The following PTPRD variants were observed in gnomAD, a reference collection of about 807,000 sequenced individuals.
The protein encoded by PTPRD is receptor-type tyrosine-protein phosphatase delta.
In PTPRD, 34 loss-of-function variants were observed where a neutral mutation model predicts 214.5. The observed-to-expected ratio is 0.16, with a 90% CI of 0.12 to 0.21. The LOEUF (loss-of-function observed/expected upper bound fraction) is 0.21. PTPRD is among the 10% of genes least tolerant of loss of function. The pLI, the probability that PTPRD is intolerant of heterozygous loss-of-function variation, is 1.00. For missense variants in PTPRD, 2,545 were observed against 2,398.7 expected (o/e 1.06, Z -1.27); for synonymous variants, 1,128 against 845.7 (o/e 1.33, Z -5.79).
At chr9:9,226,462 A>T (rs997015375) in intron 9 of PTPRD, among the ~76,000 whole-genome samples, 2 of 151,962 alleles carry the variant, frequency 1.3e-5, no homozygotes, top group Non-Finnish European at 2.9e-5. Context: ...GGATGATAAA[A>T]CTCAGCCCAG....
chr9:10,099,181 G>T (rs1303006992), intron 3 of PTPRD, among the ~76,000 whole-genome samples: 1 of 151,694 alleles, frequency 6.6e-6, no homozygotes, highest in African/African-American at 2.4e-5. Flanking sequence ...CAGCATAAGT[G>T]TACTTATTAA....
At chr9:8,807,107 C>T (rs1481305023) in intron 11 of PTPRD, among the ~76,000 whole-genome samples, 1 of 152,056 alleles carries the variant, frequency 6.6e-6, no homozygotes, top group Non-Finnish European at 1.5e-5. Context: ...GAGGCCGACG[C>T]AGGTGGATTG....
chr9:10,479,658 T>TAAATAAATAAACAAAC (rs141946645), intron 2 of PTPRD, among the ~76,000 whole-genome samples: 12,089 of 145,604 alleles, frequency 0.083, 664 homozygotes, highest in East Asian at 0.22. Flanking sequence ...AATAAATAAA[T>TAAATAAATAAACAAAC]AAACAAAAAT....
At chr9:9,110,044 G>C (rs1476509799) in intron 10 of PTPRD, among the ~76,000 whole-genome samples, 1 of 152,136 alleles carries the variant, frequency 6.6e-6, no homozygotes, top group Non-Finnish European at 1.5e-5. Context: ...TCAAGGCTTA[G>C]ATGGGGACAG....
chr9:8,814,369 C>T (rs1335538295), intron 11 of PTPRD, among the ~76,000 whole-genome samples: 7 of 151,128 alleles, frequency 4.6e-5, no homozygotes, highest in Admixed American at 3.3e-4. Context: ...ACGGAGAACG[C>T]TTTAAGTGAA....
Position 9,138,024 on chromosome 9 carries a change from T to C in PTPRD, c.-143+45280A>G, listed in dbSNP as rs150912026. Among the ~76,000 whole-genome samples, 696 of 152,264 alleles carry C rather than the reference T, an allele frequency of 4.6e-3. 2 individuals carry two copies. The highest frequency in any genetic ancestry group is 0.016 in the African/African-American group (660 of 41,554). On this transcript the variant is annotated intron_variant, in intron 10 of 45. Coordinates refer to ENST00000381196, the MANE Select transcript of PTPRD (RefSeq NM_002839.4). ...AGTTACTTGTTGAAAATGATAAAGA[T>C]GTTAAGGGATAGAGCTGAGATACTA...
At chr9:9,059,536 T>C (rs1283209745) in intron 10 of PTPRD, among the ~76,000 whole-genome samples, 3 of 151,772 alleles carry the variant, frequency 2.0e-5, no homozygotes, top group Admixed American at 1.3e-4. Context: ...CAGAAGAAAA[T>C]TGAAAAATGC....
At chr9:9,828,631 C>G (rs143561406) in intron 5 of PTPRD, among the ~76,000 whole-genome samples, 2,508 of 151,936 alleles carry the variant, frequency 0.017, 63 homozygotes, top group African/African-American at 0.058. Flanking sequence ...TGCACGTGTA[C>G]CATAAAACTT....
At chr9:10,222,462 G>A (rs185519495) in intron 3 of PTPRD, among the ~76,000 whole-genome samples, 93 of 152,008 alleles carry the variant, frequency 6.1e-4, no homozygotes, top group Non-Finnish European at 1.0e-3. Context: ...TTTATTGTCA[G>A]TTCTCATTTT....
chr9:9,115,995 C>T (rs2099812006), intron 10 of PTPRD, among the ~76,000 whole-genome samples: 1 of 152,044 alleles, frequency 6.6e-6, no homozygotes, highest in African/African-American at 2.4e-5. Context: ...TGCATGTTGT[C>T]ACTTATAAGT....
intron 14 of PTPRD, among the ~76,000 whole-genome samples, chr9:8,562,597 TG>T (rs949164711): frequency 6.6e-6 from 1 of 151,954 alleles, no homozygotes; most frequent in African/African-American, 2.4e-5. Context: ...CTGCCACGCC[TG>T]GCTAATTTTT....
chr9:8,331,283 G>T (rs186832701), intron 44 of PTPRD, among the ~76,000 whole-genome samples: 11 of 152,032 alleles, frequency 7.2e-5, no homozygotes, highest in African/African-American at 2.4e-4. Flanking sequence ...GATTAACAAC[G>T]AATTATTACT....
chr9:9,129,260 G>A (rs1313651477), intron 10 of PTPRD, among the ~76,000 whole-genome samples: 3 of 152,082 alleles, frequency 2.0e-5, no homozygotes, highest in African/African-American at 7.2e-5. Flanking sequence ...CATGGTAGCG[G>A]GCGGCTGTAA....
chr9:9,472,358 C>G (rs1022637791), intron 8 of PTPRD, among the ~76,000 whole-genome samples: 4 of 151,608 alleles, frequency 2.6e-5, no homozygotes, highest in Admixed American at 6.6e-5. Flanking sequence ...CGCCCGCCAC[C>G]GCGCCCGGCT....
At chr9:8,893,915 A>G (rs2098570594) in intron 11 of PTPRD, among the ~76,000 whole-genome samples, 1 of 150,926 alleles carries the variant, frequency 6.6e-6, no homozygotes, top group South Asian at 2.1e-4. Context: ...TTTATATATC[A>G]TTAATGAATA....
chr9:9,040,927 G>T (rs924822522), intron 10 of PTPRD, among the ~76,000 whole-genome samples: 2 of 152,142 alleles, frequency 1.3e-5, no homozygotes, highest in South Asian at 2.1e-4. Flanking sequence ...AAACAGAACT[G>T]GTCCTACCTT....
At chr9:8,650,474 G>C (rs1275351847) in intron 12 of PTPRD, among the ~76,000 whole-genome samples, 1 of 148,170 alleles carries the variant, frequency 6.7e-6, no homozygotes, top group Non-Finnish European at 1.5e-5. Context: ...GCGGTGAGCC[G>C]AGATCGTGTC....
At chr9:8,570,726 T>A (rs546146261) in intron 14 of PTPRD, among the ~76,000 whole-genome samples, 1 of 152,256 alleles carries the variant, frequency 6.6e-6, no homozygotes, top group African/African-American at 2.4e-5. Context: ...TCTTAAAATA[T>A]CTGTCTCTGA....
intron 35 of PTPRD, among the ~76,000 whole-genome samples, chr9:8,431,538 A>G (rs1034427623): frequency 5.3e-5 from 8 of 152,200 alleles, no homozygotes; most frequent in Admixed American, 1.3e-4. Flanking sequence ...AGATTTGTAT[A>G]TATATGACTG....
Sources: allele counts gnomAD v4.1 joint callset (sites outside exome capture counted in the v4.1 genomes callset), GRCh38; gene constraint gnomAD v4.1.1; transcripts MANE v1.5; gene names NCBI Gene and HGNC (gene_info 2026-07-23, HGNC 2026-07-21).